NLGN4Y: variants seen among roughly 807,000 people sequenced by gnomAD.
The protein encoded by NLGN4Y is neuroligin 4 Y-linked.
NLGN4Y carries 4 observed loss-of-function variants against 8.4 expected under a neutral mutation model. The ratio of observed to expected loss-of-function variants is 0.48; its 90% confidence interval spans 0.23 to 1.09. The LOEUF (loss-of-function observed/expected upper bound fraction) is 1.09, where lower values mean the gene tolerates loss of function less well. Ranked by LOEUF, NLGN4Y falls within the 50% of genes least tolerant of loss-of-function variation. The pLI is 0.19. For missense variants in NLGN4Y, 90 were observed against 192.3 expected (o/e 0.47, Z 3.15); for synonymous variants, 35 against 75.6 (o/e 0.46, Z 2.78).
chrY:14,831,228 C>T, intron 6 of NLGN4Y, among the ~76,000 whole-genome samples: 1 of 31,978 alleles, frequency 3.1e-5, no homozygotes, highest in Non-Finnish European at 7.6e-5. Context: ...ACAGGGTTTC[C>T]TATGTTGCCC....
chrY:14,707,008 T>C, intron 2 of NLGN4Y, among the ~76,000 whole-genome samples: 1 of 19,258 alleles, frequency 5.2e-5, no homozygotes, highest in Non-Finnish European at 1.2e-4. Flanking sequence ...TATGTGTATA[T>C]ATATATACCT....
At chrY:14,805,158 G>A in intron 4 of NLGN4Y, among the ~76,000 whole-genome samples, 1 of 33,085 alleles carries the variant, frequency 3.0e-5, no homozygotes, top group Non-Finnish European at 7.4e-5. Context: ...CCATAGCCTG[G>A]GGATTGGGGA....
chrY:14,783,251 C>T, intron 4 of NLGN4Y, among the ~76,000 whole-genome samples: 3 of 32,661 alleles, frequency 9.2e-5, no homozygotes, highest in African/African-American at 3.6e-4. Flanking sequence ...TTGTGAACAT[C>T]ATTTCTATTT....
chrY:14,607,476 G>A, intron 1 of NLGN4Y, among the ~76,000 whole-genome samples: 4 of 32,916 alleles, frequency 1.2e-4, no homozygotes, highest in African/African-American at 4.8e-4. Flanking sequence ...AGAACATGTG[G>A]TTTTTGCTTT....
chrY:14,835,540 A>G, intron 6 of NLGN4Y, among the ~76,000 whole-genome samples: 1 of 27,608 alleles, frequency 3.6e-5, no homozygotes, highest in Non-Finnish European at 8.7e-5. Flanking sequence ...GGGAGGAAGG[A>G]AGGAAGAAAA....
intron 2 of NLGN4Y, among the ~76,000 whole-genome samples, chrY:14,682,202 G>A: frequency 3.0e-5 from 1 of 33,444 alleles, no homozygotes; most frequent in Non-Finnish European, 7.4e-5. Context: ...AGTGTCCAGG[G>A]CATGTCTTTT....
chrY:14,800,886 G>C, intron 4 of NLGN4Y, among the ~76,000 whole-genome samples: 3 of 31,469 alleles, frequency 9.5e-5, no homozygotes, highest in African/African-American at 2.4e-4. Context: ...ACTCTAATCA[G>C]CTACAAGGGA....
At chrY:14,754,113 C>G (rs2081050447) in intron 4 of NLGN4Y, among the ~76,000 whole-genome samples, 1 of 33,158 alleles carries the variant, frequency 3.0e-5, no homozygotes, top group African/African-American at 1.2e-4. Context: ...GTGTCTCACA[C>G]CTGTAATCCT....
intron 2 of NLGN4Y, among the ~76,000 whole-genome samples, chrY:14,630,700 G>A (rs900885024): frequency 6.0e-5 from 2 of 33,429 alleles, no homozygotes; most frequent in Admixed American, 2.7e-4. Flanking sequence ...CCCCAAGTCC[G>A]TTCTGGGATT....
intron 1 of NLGN4Y, among the ~76,000 whole-genome samples, chrY:14,571,403 A>G (rs2080269374): frequency 8.9e-5 from 3 of 33,542 alleles, no homozygotes; most frequent in Non-Finnish European, 2.2e-4. Flanking sequence ...TTCTTTTGAG[A>G]AGTGTCTGTT....
chrY:14,596,336 CT>C (rs2080397410), intron 1 of NLGN4Y, among the ~76,000 whole-genome samples: 1 of 33,292 alleles, frequency 3.0e-5, no homozygotes, highest in Non-Finnish European at 7.4e-5. Context: ...AGAAGTCATT[CT>C]TATAGGAGAA....
At chrY:14,579,546 G>GA (rs2080308970) in intron 1 of NLGN4Y, among the ~76,000 whole-genome samples, 12 of 30,715 alleles carry the variant, frequency 3.9e-4, no homozygotes, top group East Asian at 8.7e-4. Context: ...CATCTCTACA[G>GA]AAAAAAAAAT....
chrY:14,798,784 A>G, intron 4 of NLGN4Y: 1 of 33,683 alleles, frequency 3.0e-5, no homozygotes, highest in South Asian at 6.5e-4. Context: ...CATTTAGCCT[A>G]TATCCTCCTT....
intron 4 of NLGN4Y, among the ~76,000 whole-genome samples, chrY:14,735,898 GA>G (rs2080990089): frequency 3.0e-5 from 1 of 33,412 alleles, no homozygotes; most frequent in Non-Finnish European, 7.4e-5. Flanking sequence ...CCCTGCCCTA[GA>G]AATCTGTGGA....
Position 14,589,451 on chromosome Y carries a change from GTCCTCACCAGAGC to G in NLGN4Y, c.-111-32557_-111-32545del. ...TGAGCTAGACATAAAGGTTCTCCAC[GTCCTCACCAGAGC>G]AGCTAGATACAGAGTGTCGACTGGT... On this transcript the variant is annotated intron_variant, in intron 1 of 6. Coordinates refer to ENST00000684976, the MANE Select transcript of NLGN4Y (RefSeq NM_001365588.1). Among the ~76,000 whole-genome samples, 6 of 31,834 alleles carry G rather than the reference GTCCTCACCAGAGC, an allele frequency of 1.9e-4. No individual in the cohort carries two copies. In the South Asian group the frequency reaches 4.6e-3, roughly 24 times the overall value. The allele number at this position is 31,834 out of a possible 37,273, so 85.4% of individuals were successfully genotyped here. A position where few individuals can be genotyped will look rare whatever the true frequency, so the allele number is the denominator to read the frequency against.
chrY:14,754,493 A>C (rs2081051399), intron 4 of NLGN4Y, among the ~76,000 whole-genome samples: 1 of 33,770 alleles, frequency 3.0e-5, no homozygotes, highest in African/African-American at 1.2e-4. Flanking sequence ...ACTTCTTTTA[A>C]ATTTTCAAAT....
At chrY:14,712,852 C>T in intron 2 of NLGN4Y, among the ~76,000 whole-genome samples, 1 of 33,689 alleles carries the variant, frequency 3.0e-5, no homozygotes, top group African/African-American at 1.2e-4. Context: ...GTGTCATGGT[C>T]AGTCTGTGAA....
chrY:14,787,695 AAC>A (rs2042972357), intron 4 of NLGN4Y, among the ~76,000 whole-genome samples: 1 of 33,297 alleles, frequency 3.0e-5, no homozygotes, highest in Non-Finnish European at 7.4e-5. Context: ...GTATCCCCAA[AAC>A]AGATGGGTCT....
At chrY:14,652,089 A>C (rs767676680) in intron 2 of NLGN4Y, among the ~76,000 whole-genome samples, 1 of 33,019 alleles carries the variant, frequency 3.0e-5, no homozygotes, top group South Asian at 6.7e-4. Context: ...TTATAGTGGA[A>C]TATATTGTAT....
Sources: allele counts gnomAD v4.1 joint callset (sites outside exome capture counted in the v4.1 genomes callset), GRCh38; gene constraint gnomAD v4.1.1; transcripts MANE v1.5; gene names NCBI Gene and HGNC (gene_info 2026-07-23, HGNC 2026-07-21).